ECE2: variants seen among roughly 807,000 people sequenced by gnomAD.
ECE2 encodes the protein endothelin converting enzyme 2, also known as endothelin-converting enzyme 2.
A neutral mutation model predicts 100.6 loss-of-function variants in ECE2; 81 were observed. The observed-to-expected ratio is 0.81, with a 90% CI of 0.67 to 0.97. The LOEUF (loss-of-function observed/expected upper bound fraction) is 0.97, where lower values mean the gene tolerates loss of function less well. Among genes scored for constraint, ECE2 ranks in the 50% least tolerant of loss-of-function variants. ECE2 has a pLI of 0.00. For missense variants in ECE2, 911 were observed against 988.1 expected (o/e 0.92, Z 1.05); for synonymous variants, 391 against 391.5 (o/e 1.00, Z 0.02).
In ECE2 at chr3:184,278,013, G is replaced by T; in HGVS notation, c.567G>T (p.Glu189Asp). 6.2e-7 allele frequency: 1 copy of T among 1,614,112 alleles called. No homozygotes were observed. The highest frequency in any genetic ancestry group is 8.5e-7 in the Non-Finnish European group (1 of 1,180,036). Reference sequence around the variant, plus strand: ...GCCTACAGGTGGAGCGCATTGAGGAGCTGGGAGCCCAGCCACTGAGAGACC... The same window carrying T: ...GCCTACAGGTGGAGCGCATTGAGGATCTGGGAGCCCAGCCACTGAGAGACC... Reference protein sequence around the residue: ...LSCLQVERIEELGAQPLRDLI... With the variant: ...LSCLQVERIEDLGAQPLRDLI... The change falls in exon 5 of 19, where the codon GAG (glutamate) becomes GAT (aspartate). Residue 189 changes from glutamate (E) to aspartate (D), a missense_variant. Transcript: ENST00000404464.
At chr3:184,276,664 C>T (rs1163799367) in intron 2 of ECE2, 97 bp downstream of exon 2, 1 of 1,565,696 alleles carries the variant, frequency 6.4e-7, no homozygotes, top group South Asian at 1.2e-5. Context: ...GGTCACCTGC[C>T]CCCACCTCCG....
rs1402748304 is a variant in ECE2, at chr3:184,289,795, C to T, written c.1551+77C>T. On this transcript the variant is annotated intron_variant, in intron 13 of 18. Transcript: ENST00000404464. The surrounding 1 kb of genome is among the most constrained non-coding windows in gnomAD (Gnocchi z 4.1). Reference sequence around the variant, plus strand: ...TTCCCTGGGCTTAGAAATTGGGGCTCAAGCACTGGGAAAGAGGTGCTTGTC... The same window carrying T: ...TTCCCTGGGCTTAGAAATTGGGGCTTAAGCACTGGGAAAGAGGTGCTTGTC... 3 of 1,315,762 alleles carry T rather than the reference C, an allele frequency of 2.3e-6. No homozygotes were observed. The highest frequency in any genetic ancestry group is 4.7e-5 in the East Asian group (2 of 42,926). 81.5% of individuals were successfully genotyped at this position (1,315,762 alleles called of 1,614,324 possible). A position where few individuals can be genotyped will look rare whatever the true frequency, so the allele number is the denominator to read the frequency against.
In ECE2 at chr3:184,276,204, C is replaced by T. The variant is rs767844734; in HGVS notation, c.39+12C>T. 6.9e-7 allele frequency: 1 copy of T among 1,443,062 alleles called. No individual in the cohort carries two copies. Among genetic ancestry groups the T allele is most frequent in the Non-Finnish European group, 9.1e-7 (1 of 1,104,502 alleles). The allele number at this position is 1,443,062 out of a possible 1,614,324, so 89.4% of individuals were successfully genotyped here. ...GAGCTGGCAGCAACGTGAGTGGGGG[C>T]CCCGGGCTCCACGGGAGGGGACTGG... On this transcript the variant is annotated intron_variant, in intron 1 of 18. Coordinates refer to ENST00000404464, the MANE Select transcript of ECE2 (RefSeq NM_001100121.2).
intron 8 of ECE2, among the ~76,000 whole-genome samples, chr3:184,284,321 T>A (rs1173163074): frequency 6.6e-6 from 1 of 152,054 alleles, no homozygotes; most frequent in Non-Finnish European, 1.5e-5. Context: ...GGCGGGTGGA[T>A]CGCCTGAGGT....
chr3:184,283,860 C>T lies in ECE2; in HGVS notation c.892C>T (p.Gln298Ter), dbSNP rs1359403540. ...TGGGCGGCCCACCTCCACGAGGGAG[C>T]AGATGCAGCAGGTGCTGGAGTTGGA... ...LGGRPTSTRE[Q>*]MQQVLELEIQ... Residue 298 changes from glutamine to a stop codon, truncating the protein, a stop_gained, in exon 8 of 19, where the codon CAG (glutamine) becomes TAG (stop). Coordinates refer to ENST00000404464, the MANE Select transcript of ECE2 (RefSeq NM_001100121.2). LOFTEE classifies it high-confidence loss of function. 1 of 1,613,756 alleles carries T rather than the reference C, an allele frequency of 6.2e-7. No homozygotes were observed. The highest frequency in any genetic ancestry group is 8.5e-7 in the Non-Finnish European group (1 of 1,180,004).
chr3:184,276,027 C>G lies in ECE2; in HGVS notation c.-127C>G, dbSNP rs1720525800. The G allele has an allele frequency of 9.3e-7, 1 of 1,069,550 alleles. No homozygotes were observed. The highest frequency in any genetic ancestry group is 1.1e-6 in the Non-Finnish European group (1 of 883,164). 66.3% of individuals were successfully genotyped at this position (1,069,550 alleles called of 1,614,324 possible). ...GGGCGGGGGGGGGGGCGGCCGCGGCCGAGCGGGGGTGCTGCGCGGCGGCCG... is the reference window on the plus strand; with the variant it reads ...GGGCGGGGGGGGGGGCGGCCGCGGCGGAGCGGGGGTGCTGCGCGGCGGCCG... On this transcript the variant is annotated 5_prime_UTR_variant, in exon 1 of 19. Coordinates refer to ENST00000404464, the MANE Select transcript of ECE2 (RefSeq NM_001100121.2).
At chr3:184,285,195 A>T (rs1476167326) in intron 9 of ECE2, 90 bp downstream of exon 9, 1 of 1,507,194 alleles carries the variant, frequency 6.6e-7, no homozygotes, top group African/African-American at 1.4e-5. Context: ...ACAGAACAAC[A>T]TTTGGTAATG....
At position 184,287,903 on chromosome 3, in the gene ECE2, TC is replaced by T; in HGVS notation, c.1333del (p.Leu445SerfsTer3). ...TDDALGFALG[S>X]LFVKATFDRQ... ...TGACGCCCTTGGCTTTGCTTTGGGG[TC>T]CCTCTTCGTGAAGGCCACGTTTGAC... is the stretch of plus-strand genomic sequence containing the variant. On this transcript the variant is annotated frameshift_variant, in exon 11 of 19. Coordinates refer to ENST00000404464, the MANE Select transcript of ECE2 (RefSeq NM_001100121.2). LOFTEE classifies it high-confidence loss of function. 6.2e-7 allele frequency: 1 copy of T among 1,614,190 alleles called. No individual in the cohort carries two copies. The highest frequency in any genetic ancestry group is 8.5e-7 in the Non-Finnish European group (1 of 1,180,020).
rs377430904 is a variant in ECE2 at position 184,278,003 on chromosome 3, G to T, written c.557G>T (p.Arg186Leu). The T allele has an allele frequency of 1.1e-5, 17 of 1,613,870 alleles. No individual in the cohort carries two copies. The highest frequency in any genetic ancestry group is 1.3e-5 in the Non-Finnish European group (15 of 1,180,032). Reference sequence around the variant, plus strand: ...TACCTATCTTGCCTACAGGTGGAGCGCATTGAGGAGCTGGGAGCCCAGCCA... The same window carrying T: ...TACCTATCTTGCCTACAGGTGGAGCTCATTGAGGAGCTGGGAGCCCAGCCA... ...RFYLSCLQVERIEELGAQPLR... is the reference protein window; with the variant it reads ...RFYLSCLQVELIEELGAQPLR... Residue 186 changes from arginine (R) to leucine (L), a missense_variant, in exon 5 of 19, where the codon CGC (arginine) becomes CTC (leucine). Physicochemically the swap from Arg to Leu is moderately radical, Grantham distance 102. Coordinates refer to ENST00000404464, the MANE Select transcript of ECE2 (RefSeq NM_001100121.2).
Position 184,292,260 on chromosome 3 carries a change from G to C in ECE2, c.*22G>C, listed in dbSNP as rs3914188. 1,178,519 of 1,611,682 alleles carry C rather than the reference G, an allele frequency of 0.73. 432,121 individuals are homozygous for C. The highest frequency in any genetic ancestry group is 0.84 in the Middle Eastern group (5,058 of 6,054). ...GTAGACCTGGATCAGGGGAGAAATG[G>C]CCAGCTGTCACCAGACCTGGGGCAG... On this transcript the variant is annotated 3_prime_UTR_variant, in exon 19 of 19. Transcript: ENST00000404464.
Position 184,276,028 on chromosome 3 carries a change from G to T in ECE2, c.-126G>T, listed in dbSNP as rs1428703556. The T allele has an allele frequency of 9.4e-7, 1 of 1,060,712 alleles. No homozygotes were observed. Among genetic ancestry groups the T allele is most frequent in the South Asian group, 4.5e-5 (1 of 22,330 alleles). The allele number at this position is 1,060,712 out of a possible 1,614,324, so 65.7% of individuals were successfully genotyped here. A position where few individuals can be genotyped will look rare whatever the true frequency, so the allele number is the denominator to read the frequency against. ...GGCGGGGGGGGGGGCGGCCGCGGCC[G>T]AGCGGGGGTGCTGCGCGGCGGCCGT... On this transcript the variant is annotated 5_prime_UTR_variant, in exon 1 of 19. Transcript: ENST00000404464.
chr3:184,277,237 G>C lies in ECE2; in HGVS notation c.263-14G>C. On this transcript the variant is annotated splice_polypyrimidine_tract_variant and intron_variant, in intron 3 of 18. Coordinates refer to ENST00000404464, the MANE Select transcript of ECE2 (RefSeq NM_001100121.2). ...TGACAGTCTCCTACCCTCCGGCCAT[G>C]TTCCCTACCACAGACCCATCCCACA... The C allele has an allele frequency of 6.2e-7, 1 of 1,614,142 alleles. No individual in the cohort carries two copies. The highest frequency in any genetic ancestry group is 8.5e-7 in the Non-Finnish European group (1 of 1,179,984).
Position 184,283,990 on chromosome 3 carries a change from G to T in ECE2, c.1005+17G>T. Reference sequence around the variant, plus strand: ...GAGCTGCAGGTGGGGCAGGCAGGGGGCTGGAGACAACTGAGAGGGGCCAGC... The same window carrying T: ...GAGCTGCAGGTGGGGCAGGCAGGGGTCTGGAGACAACTGAGAGGGGCCAGC... On this transcript the variant is annotated intron_variant, in intron 8 of 18. Coordinates refer to ENST00000404464, the MANE Select transcript of ECE2 (RefSeq NM_001100121.2). The T allele has an allele frequency of 6.2e-7, 1 of 1,612,614 alleles. No individual in the cohort carries two copies. The highest frequency in any genetic ancestry group is 1.3e-5 in the African/African-American group (1 of 75,002).
chr3:184,287,842 T>C lies in ECE2; in HGVS notation c.1269T>C (p.Cys423=). ...GGCTCTTTGTCCTTTAACAGTCCTG[T>C]GTGCCGAGGTGGCAGACCTGCATCT... ...LETLYGTKKS[C]VPRWQTCISN... Residue 423 remains cysteine, a synonymous_variant, in exon 11 of 19, where the codon TGT becomes TGC. Coordinates refer to ENST00000404464, the MANE Select transcript of ECE2 (RefSeq NM_001100121.2). 6.2e-7 allele frequency: 1 copy of C among 1,614,116 alleles called. No individual in the cohort carries two copies. Among genetic ancestry groups the C allele is most frequent in the Non-Finnish European group, 8.5e-7 (1 of 1,179,984 alleles).
At position 184,289,356 on chromosome 3, in the gene ECE2, G is replaced by A; in HGVS notation, c.1375-81G>A. The A allele has an allele frequency of 2.3e-6, 3 of 1,322,804 alleles. No homozygotes were observed. The Admixed American group carries it at 5.9e-5, about 26-fold the overall frequency. 81.9% of individuals were successfully genotyped at this position (1,322,804 alleles called of 1,614,324 possible). On this transcript the variant is annotated intron_variant, in intron 11 of 18. Coordinates refer to ENST00000404464, the MANE Select transcript of ECE2 (RefSeq NM_001100121.2). The surrounding 1 kb of genome is among the most constrained non-coding windows in gnomAD (Gnocchi z 4.1). ...GTTCCCATTTCCCCTGGGTGGACAGGGATGGGGCACCAAGGGTGGATGGGT... is the reference window on the plus strand; with the variant it reads ...GTTCCCATTTCCCCTGGGTGGACAGAGATGGGGCACCAAGGGTGGATGGGT...
intron 7 of ECE2, among the ~76,000 whole-genome samples, chr3:184,281,039 GAC>G (rs1300134316): frequency 5.9e-5 from 9 of 152,028 alleles, no homozygotes; most frequent in Non-Finnish European, 1.3e-4. Flanking sequence ...GAAGAGGTGA[GAC>G]AGGAGGAGGA....
chr3:184,285,134 G>C lies in ECE2; in HGVS notation c.1148+29G>C, dbSNP rs772551546. 4 of 1,604,950 alleles carry C rather than the reference G, an allele frequency of 2.5e-6. No individual in the cohort carries two copies. In the East Asian group the frequency reaches 6.7e-5, roughly 27 times the overall value. On this transcript the variant is annotated intron_variant, in intron 9 of 18. Transcript: ENST00000404464. ...TGGGGGTAGCCCAGGGTGAGGGTGG[G>C]TTCTGTGGAGGTCTCCAGCAAGGCT...
intron 8 of ECE2, among the ~76,000 whole-genome samples, chr3:184,284,197 A>G (rs1267391400): frequency 6.6e-6 from 1 of 152,072 alleles, no homozygotes; most frequent in Non-Finnish European, 1.5e-5. Flanking sequence ...CTGGGGATGC[A>G]TGGAGGGATT....
At chr3:184,277,495 G>C in intron 4 of ECE2, 29 bp downstream of exon 4, 1 of 1,610,794 alleles carries the variant, frequency 6.2e-7, no homozygotes, top group East Asian at 2.2e-5. Context: ...GAGGCCTTGG[G>C]CCACCTATGT....
Sources: allele counts gnomAD v4.1 joint callset (sites outside exome capture counted in the v4.1 genomes callset), GRCh38; gene constraint gnomAD v4.1.1; non-coding constraint Gnocchi (gnomAD v3.1); transcripts MANE v1.5; gene names NCBI Gene and HGNC (gene_info 2026-07-23, HGNC 2026-07-21).